The following GAN variants were observed in gnomAD, a reference collection of about 807,000 sequenced individuals.
The protein encoded by GAN is gigaxonin, also known as epididymis secretory sperm binding protein.
Under a neutral mutation model 71.3 loss-of-function variants are expected in GAN, and 48 were observed. That is an observed-to-expected ratio of 0.67 (90% CI 0.53 to 0.86). The LOEUF is 0.86. GAN is among the 40% of genes least tolerant of loss of function. GAN has a pLI of 0.00. For missense variants in GAN, 928 were observed against 770.1 expected, an observed-to-expected ratio of 1.21 and a Z score of -2.43; for synonymous variants, 386 against 276.8, an observed-to-expected ratio of 1.39 and a Z score of -3.92.
chr16:81,341,451 T>C (rs1358162785), intron 1 of GAN, among the ~76,000 whole-genome samples: 1 of 152,222 alleles, frequency 6.6e-6, no homozygotes, highest in African/African-American at 2.4e-5. Context: ...GCAGAAACCC[T>C]ACAAACCAGA....
intron 1 of GAN, among the ~76,000 whole-genome samples, chr16:81,321,260 C>A (rs1182644836): frequency 6.6e-6 from 1 of 152,116 alleles, no homozygotes. Context: ...GTGGGGTGTT[C>A]AGATTTATCG....
chr16:81,335,106 C>A (rs1567483182), intron 1 of GAN, among the ~76,000 whole-genome samples: 2 of 123,756 alleles, frequency 1.6e-5, no homozygotes, highest in Middle Eastern at 7.4e-3. Context: ...GTTATTGGAG[C>A]AGAGAACTGG....
intron 1 of GAN, among the ~76,000 whole-genome samples, chr16:81,349,206 T>G (rs1019035770): frequency 6.6e-6 from 1 of 151,826 alleles, no homozygotes; most frequent in African/African-American, 2.4e-5. Flanking sequence ...CCCGACCCCG[T>G]CCTCACCTAC....
intron 9 of GAN, among the ~76,000 whole-genome samples, chr16:81,375,608 G>C (rs1904277655): frequency 1.3e-5 from 2 of 151,850 alleles, no homozygotes; most frequent in African/African-American, 4.8e-5. Context: ...TTGCAGACTT[G>C]AGCCACCACA....
intron 1 of GAN, among the ~76,000 whole-genome samples, chr16:81,333,001 A>C (rs1365464137): frequency 1.3e-5 from 2 of 152,092 alleles, no homozygotes; most frequent in East Asian, 1.9e-4. Flanking sequence ...GCACTTTGGG[A>C]GGCTGAGGTG....
Position 81,354,396 on chromosome 16 carries a change from C to T in GAN, c.283-9C>T. The T allele has an allele frequency of 6.4e-7, 1 of 1,574,058 alleles. No individual in the cohort carries two copies. The highest frequency in any genetic ancestry group is 8.7e-7 in the Non-Finnish European group (1 of 1,143,508). ...ATTCAAATATAAGATAATTATGCTA[C>T]TTTTTTAGATCAGGCTAAATGAAGA... On this transcript the variant is annotated splice_polypyrimidine_tract_variant and intron_variant, in intron 2 of 10. Transcript: ENST00000648994.
intron 1 of GAN, among the ~76,000 whole-genome samples, chr16:81,342,591 A>G (rs942917880): frequency 4.6e-5 from 7 of 152,252 alleles, no homozygotes; most frequent in South Asian, 2.1e-4. Context: ...AATGAGAACA[A>G]AGACACAACG....
intron 9 of GAN, among the ~76,000 whole-genome samples, chr16:81,370,065 C>G (rs1910989456): frequency 6.6e-6 from 1 of 152,192 alleles, no homozygotes. Context: ...GCAAGGGTCA[C>G]CAGAAGCAGT....
chr16:81,377,731 T>C lies in GAN; in HGVS notation c.*135T>C. 1 of 850,000 alleles carries C rather than the reference T, an allele frequency of 1.2e-6. No individual in the cohort carries two copies. Among genetic ancestry groups the C allele is most frequent in the Non-Finnish European group, 2.0e-6 (1 of 500,420 alleles). The allele number at this position is 850,000 out of a possible 1,614,324, so 52.7% of individuals were successfully genotyped here. On this transcript the variant is annotated 3_prime_UTR_variant, in exon 11 of 11. Transcript: ENST00000648994. ...TGGTAACTCTTTGGTGGTTTTATGA[T>C]GCTTACAAACTTGAGCTTTAGCTCT...
At position 81,356,786 on chromosome 16, in the gene GAN, T is replaced by C. The variant is rs749904620; in HGVS notation, c.635T>C (p.Val212Ala). The C allele has an allele frequency of 2.5e-6, 4 of 1,602,976 alleles. No individual in the cohort carries two copies. Among genetic ancestry groups the C allele is most frequent in the African/African-American group, 1.3e-5 (1 of 74,682 alleles). ...WIAHDTEIRK[V>A]HMKDVMSALW... ...CCATCTTTCTTCCCTCTTCTGCAGG[T>C]CCACATGAAGGATGTTATGTCAGCT... Residue 212 changes from valine to alanine, a missense_variant and splice_region_variant, in exon 4 of 11, where the codon GTC becomes GCC. Transcript: ENST00000648994.
At chr16:81,319,898 T>G (rs1487328374) in intron 1 of GAN, among the ~76,000 whole-genome samples, 3 of 152,234 alleles carry the variant, frequency 2.0e-5, no homozygotes, top group African/African-American at 7.2e-5. Context: ...TATGCTATTT[T>G]TGTTTTGCCT....
chr16:81,367,086 G>T (rs1405157695), intron 9 of GAN, among the ~76,000 whole-genome samples: 1 of 152,164 alleles, frequency 6.6e-6, no homozygotes, highest in Non-Finnish European at 1.5e-5. Flanking sequence ...GCCTCTCAAA[G>T]TGCTGGGATT....
At chr16:81,365,583 G>A in intron 9 of GAN, 105 bp downstream of exon 9, 1 of 1,125,942 alleles carries the variant, frequency 8.9e-7, no homozygotes, top group Non-Finnish European at 1.4e-6. Context: ...TTAAATTATG[G>A]ATTTAGGAGA....
chr16:81,353,609 C>T (rs531155505), intron 2 of GAN, among the ~76,000 whole-genome samples: 1 of 152,156 alleles, frequency 6.6e-6, no homozygotes. Context: ...CTCATGAAGT[C>T]TCCCTTGCAT....
intron 1 of GAN, among the ~76,000 whole-genome samples, chr16:81,322,278 T>C (rs752611487): frequency 6.6e-6 from 1 of 151,924 alleles, no homozygotes; most frequent in African/African-American, 2.4e-5. Flanking sequence ...CTTAGGTAAA[T>C]AAGATCTTGG....
chr16:81,315,082 C>A lies in GAN; in HGVS notation c.-32C>A, dbSNP rs1908981735. 6.9e-7 allele frequency: 1 copy of A among 1,458,884 alleles called. No homozygotes were observed. Among genetic ancestry groups the A allele is most frequent in the South Asian group, 1.3e-5 (1 of 75,050 alleles). 90.4% of individuals were successfully genotyped at this position (1,458,884 alleles called of 1,614,324 possible). A position where few individuals can be genotyped will look rare whatever the true frequency, so the allele number is the denominator to read the frequency against. On this transcript the variant is annotated 5_prime_UTR_variant, in exon 1 of 11. Transcript: ENST00000648994. ...GGGTCCGGCCGGACGGTGTCGGGAG[C>A]CGGACCCGTCGGCAGAGGAGCGGGC...
At chr16:81,361,765 G>GC (rs1488921506) in intron 5 of GAN, among the ~76,000 whole-genome samples, 2 of 152,176 alleles carry the variant, frequency 1.3e-5, no homozygotes, top group Non-Finnish European at 2.9e-5. Flanking sequence ...CATGATCACA[G>GC]CCCACTTCAG....
At chr16:81,318,480 TAGTG>T in intron 1 of GAN, among the ~76,000 whole-genome samples, 1 of 152,010 alleles carries the variant, frequency 6.6e-6, no homozygotes, top group East Asian at 1.9e-4. Flanking sequence ...CTGGGCAACA[TAGTG>T]AGACCCAGTC....
chr16:81,336,999 A>T (rs564470334), intron 1 of GAN, among the ~76,000 whole-genome samples: 3 of 152,138 alleles, frequency 2.0e-5, no homozygotes, highest in East Asian at 1.9e-4. Context: ...TGTGCCTTCT[A>T]TGGGTTTGGA....
Sources: allele counts gnomAD v4.1 joint callset (sites outside exome capture counted in the v4.1 genomes callset), GRCh38; gene constraint gnomAD v4.1.1; transcripts MANE v1.5; gene names NCBI Gene and HGNC (gene_info 2026-07-23, HGNC 2026-07-21).